The following PKNOX2 variants were observed in gnomAD, a reference collection of about 807,000 sequenced individuals.
PKNOX2 encodes the protein PBX/knotted 1 homeobox 2, also known as homeobox protein PKNOX2.
A neutral mutation model predicts 53.1 loss-of-function variants in PKNOX2; 14 were observed. That is an observed-to-expected ratio of 0.26 (90% CI 0.17 to 0.41). The LOEUF is 0.41. Among genes scored for constraint, PKNOX2 ranks in the 10% least tolerant of loss-of-function variants. The pLI is 1.00. For missense variants in PKNOX2, 496 were observed against 602.8 expected (o/e 0.82, Z 1.85); for synonymous variants, 257 against 242.8 (o/e 1.06, Z -0.54).
chr11:125,421,717 AG>A (rs1183241447), intron 10 of PKNOX2, among the ~76,000 whole-genome samples: 1 of 152,218 alleles, frequency 6.6e-6, no homozygotes. Flanking sequence ...GTGGCCTTGC[AG>A]GCCGGCATGT....
intron 1 of PKNOX2, among the ~76,000 whole-genome samples, chr11:125,179,077 G>A (rs1190899130): frequency 6.6e-6 from 1 of 152,164 alleles, no homozygotes; most frequent in African/African-American, 2.4e-5. Flanking sequence ...TGAACCCTGT[G>A]TTTGTCCCAC....
rs765845217 is a variant in PKNOX2, at chr11:125,410,731, C to G, written c.719-48C>G. ...ACTGGGAACCCTGCTTGCCCTCGCT[C>G]CTACCCACTCCCATGGCAGGGGACC... is the stretch of plus-strand genomic sequence containing the variant. On this transcript the variant is annotated intron_variant, in intron 8 of 12. Coordinates refer to ENST00000298282, the MANE Select transcript of PKNOX2 (RefSeq NM_001382323.2). 4.1e-6 allele frequency: 6 copies of G among 1,447,796 alleles called. No homozygotes were observed. In the Admixed American group the frequency reaches 1.0e-4, roughly 24 times the overall value. 89.7% of individuals were successfully genotyped at this position (1,447,796 alleles called of 1,614,324 possible). A position where few individuals can be genotyped will look rare whatever the true frequency, so the allele number is the denominator to read the frequency against.
Position 125,316,290 on chromosome 11 carries a change from C to T in PKNOX2, c.-129-15529C>T, listed in dbSNP as rs372828229. On this transcript the variant is annotated intron_variant, in intron 2 of 12. Transcript: ENST00000298282. The stretch of plus-strand genomic sequence containing the variant: ...GAGAACCTCCATCCAGTGCCGGGGC[C>T]TGTGTGAACTCTCTTATGTGGCCTT... 3.7e-3 allele frequency among the ~76,000 whole-genome samples: 564 copies of T among 152,316 alleles called. 1 individual carries two copies. Among genetic ancestry groups the T allele is most frequent in the South Asian group, 0.023 (109 of 4,814 alleles).
At chr11:125,402,461 T>A (rs1954808733) in intron 7 of PKNOX2, among the ~76,000 whole-genome samples, 1 of 152,198 alleles carries the variant, frequency 6.6e-6, no homozygotes, top group Non-Finnish European at 1.5e-5. Flanking sequence ...CTGTGGAGAT[T>A]TAAGCCTCAG....
chr11:125,296,671 C>G (rs1947680764), intron 2 of PKNOX2, among the ~76,000 whole-genome samples: 2 of 152,156 alleles, frequency 1.3e-5, no homozygotes, highest in Admixed American at 1.3e-4. Context: ...GAGTCTCGCT[C>G]TGTTGCCAGG....
chr11:125,376,132 T>C (rs73628717), intron 5 of PKNOX2, among the ~76,000 whole-genome samples: 23,082 of 152,042 alleles, frequency 0.15, 3,406 homozygotes, highest in African/African-American at 0.39. Flanking sequence ...GAGGGCTGAG[T>C]AGACTGCGAC....
At chr11:125,387,449 T>A (rs1278702223) in intron 6 of PKNOX2, among the ~76,000 whole-genome samples, 1 of 152,156 alleles carries the variant, frequency 6.6e-6, no homozygotes, top group Non-Finnish European at 1.5e-5. Flanking sequence ...CCAGGTGAGC[T>A]CTGGAGACCC....
At chr11:125,326,991 C>A (rs763645250) in intron 2 of PKNOX2, among the ~76,000 whole-genome samples, 2 of 152,170 alleles carry the variant, frequency 1.3e-5, no homozygotes, top group African/African-American at 2.4e-5. Flanking sequence ...ACCGCACTCA[C>A]GGAAGAAGAG....
rs558320485 is a variant in PKNOX2 at position 125,239,240 on chromosome 11, C to A, written c.-130+4125C>A. On this transcript the variant is annotated intron_variant, in intron 2 of 12. Coordinates refer to ENST00000298282, the MANE Select transcript of PKNOX2 (RefSeq NM_001382323.2). ...TACACATTAGTGTCTTGCCCTTTGA[C>A]AAATGAATATTGAATGAGCAATAAA... is the stretch of plus-strand genomic sequence containing the variant. Among the ~76,000 whole-genome samples the A allele has an allele frequency of 1.4e-4, 21 of 152,304 alleles. No homozygotes were observed. The East Asian group carries it at 1.9e-3, about 14-fold the overall frequency.
chr11:125,241,048 C>T (rs567813560), intron 2 of PKNOX2, among the ~76,000 whole-genome samples: 1 of 152,348 alleles, frequency 6.6e-6, no homozygotes, highest in African/African-American at 2.4e-5. Flanking sequence ...ATGCCATCCC[C>T]ATGCTGGACC....
intron 1 of PKNOX2, among the ~76,000 whole-genome samples, chr11:125,187,286 C>T (rs1956511421): frequency 6.6e-6 from 1 of 151,846 alleles, no homozygotes; most frequent in African/African-American, 2.4e-5. Context: ...TTTGAATCTG[C>T]AGATTGTTTG....
At chr11:125,214,889 T>C (rs1591483337) in intron 1 of PKNOX2, among the ~76,000 whole-genome samples, 1 of 151,150 alleles carries the variant, frequency 6.6e-6, no homozygotes, top group African/African-American at 2.4e-5. Context: ...GCTTTTTGAG[T>C]GGGGAAGCAG....
At chr11:125,410,094 A>AG (rs922641744) in intron 7 of PKNOX2, 102 bp from the exon 8 acceptor site, 116 of 1,464,684 alleles carry the variant, frequency 7.9e-5, no homozygotes, top group Admixed American at 2.6e-4. Flanking sequence ...AGAAGGAGGG[A>AG]GGGGGGCAGG....
chr11:125,187,383 A>G (rs1304952255), intron 1 of PKNOX2, among the ~76,000 whole-genome samples: 1 of 152,018 alleles, frequency 6.6e-6, no homozygotes, highest in Non-Finnish European at 1.5e-5. Context: ...TAATTTCAGC[A>G]ATGTTTTGTA....
chr11:125,298,944 T>C (rs182927276), intron 2 of PKNOX2, among the ~76,000 whole-genome samples: 349 of 152,294 alleles, frequency 2.3e-3, no homozygotes, highest in Non-Finnish European at 3.5e-3. Context: ...TATTCTTGCA[T>C]TGCCATCGAG....
chr11:125,345,081 C>G (rs529831233), intron 3 of PKNOX2, among the ~76,000 whole-genome samples: 1 of 152,156 alleles, frequency 6.6e-6, no homozygotes, highest in Non-Finnish European at 1.5e-5. Flanking sequence ...GAGAGCAGCA[C>G]CCACTCAGCC....
chr11:125,289,022 C>T (rs1326356659), intron 2 of PKNOX2, among the ~76,000 whole-genome samples: 2 of 152,240 alleles, frequency 1.3e-5, no homozygotes, highest in African/African-American at 4.8e-5. Context: ...CATGTAACAA[C>T]ATAGCACAGT....
chr11:125,321,833 G>C (rs899615960), intron 2 of PKNOX2, among the ~76,000 whole-genome samples: 4 of 152,200 alleles, frequency 2.6e-5, no homozygotes, highest in African/African-American at 9.6e-5. Flanking sequence ...CTGGAGATTT[G>C]AACTCTAAGA....
intron 2 of PKNOX2, chr11:125,258,868 C>T: frequency 2.5e-6 from 1 of 394,490 alleles, no homozygotes; most frequent in Non-Finnish European, 5.1e-6. Context: ...GAACATGTCT[C>T]TTGCCTCGGG....
Sources: allele counts gnomAD v4.1 joint callset (sites outside exome capture counted in the v4.1 genomes callset), GRCh38; gene constraint gnomAD v4.1.1; transcripts MANE v1.5; gene names NCBI Gene and HGNC (gene_info 2026-07-23, HGNC 2026-07-21).